Variants in ELMO1 observed in about 807,000 individuals in gnomAD.
ELMO1 encodes the protein engulfment and cell motility protein 1.
Under a neutral mutation model 98.9 loss-of-function variants are expected in ELMO1, and 26 were observed. That is an observed-to-expected ratio of 0.26 (90% CI 0.19 to 0.36). The LOEUF (loss-of-function observed/expected upper bound fraction) is 0.36, where lower values mean the gene tolerates loss of function less well. Among genes scored for constraint, ELMO1 ranks in the 10% least tolerant of loss-of-function variants. ELMO1 has a pLI of 1.00. For missense variants in ELMO1, 627 were observed against 935.2 expected (o/e 0.67, Z 4.30); for synonymous variants, 346 against 346.0 (o/e 1.00, Z 0.00).
chr7:37,276,509 G>A (rs1796843379), intron 4 of ELMO1, among the ~76,000 whole-genome samples: 2 of 152,174 alleles, frequency 1.3e-5, no homozygotes, highest in Non-Finnish European at 2.9e-5. Context: ...TACTCGGGAG[G>A]CTGAGGCAGG....
At chr7:37,320,859 C>CTGGATTAACGTG in intron 2 of ELMO1, among the ~76,000 whole-genome samples, 1 of 152,224 alleles carries the variant, frequency 6.6e-6, no homozygotes, top group South Asian at 2.1e-4. Context: ...TTAATGATAG[C>CTGGATTAACGTG]CTGGATTAAC....
At chr7:37,143,352 G>T (rs565821632) in intron 13 of ELMO1, among the ~76,000 whole-genome samples, 136 of 152,310 alleles carry the variant, frequency 8.9e-4, no homozygotes, top group African/African-American at 3.0e-3. Flanking sequence ...TTCAATGCAG[G>T]TTCTCCTCAA....
At chr7:37,086,743 CAAA>C (rs755237121) in intron 15 of ELMO1, among the ~76,000 whole-genome samples, 2,263 of 48,712 alleles carry the variant, frequency 0.046, 49 homozygotes, top group African/African-American at 0.15. Context: ...ATCCTGTCTC[CAAA>C]AAAAAAAAAA....
In ELMO1 at chr7:37,092,973, C is replaced by T. The variant is rs989367732; in HGVS notation, c.1300+3646G>A. On this transcript the variant is annotated intron_variant, in intron 15 of 21. Coordinates refer to ENST00000310758, the MANE Select transcript of ELMO1 (RefSeq NM_014800.11). ...TTTGAGCTCAGTAAACTCAGATACG[C>T]AGTAGGTGCAAGTAAGTCTTCCCTT... is the stretch of plus-strand genomic sequence containing the variant. Among the ~76,000 whole-genome samples the T allele has an allele frequency of 2.7e-5, 4 of 150,542 alleles. No homozygotes were observed. The East Asian group carries it at 7.8e-4, about 29-fold the overall frequency.
At chr7:36,941,265 A>G (rs577380826) in intron 16 of ELMO1, among the ~76,000 whole-genome samples, 99 of 152,238 alleles carry the variant, frequency 6.5e-4, no homozygotes, top group Non-Finnish European at 1.2e-3. Flanking sequence ...CTTTTTATAT[A>G]GTGTTTGGTA....
intron 14 of ELMO1, among the ~76,000 whole-genome samples, chr7:37,115,546 C>T (rs559820733): frequency 6.6e-6 from 1 of 151,556 alleles, no homozygotes; most frequent in East Asian, 1.9e-4. Flanking sequence ...AAATCTAACA[C>T]TCATTCATGA....
intron 16 of ELMO1, among the ~76,000 whole-genome samples, chr7:36,956,391 C>G (rs76962068): frequency 0.06 from 9,118 of 152,184 alleles, 383 homozygotes; most frequent in Middle Eastern, 0.18. Context: ...GCCTTCTTGT[C>G]TTTTTTGAAA....
chr7:37,019,072 T>C (rs1794123325), intron 15 of ELMO1, among the ~76,000 whole-genome samples: 2 of 152,210 alleles, frequency 1.3e-5, no homozygotes, highest in Non-Finnish European at 2.9e-5. Flanking sequence ...AGGGTAATAT[T>C]CTAAGAGCTT....
rs372748758 is a variant in ELMO1, at chr7:37,330,250, C to T, written c.78+12363G>A. 2.6e-5 allele frequency among the ~76,000 whole-genome samples: 4 copies of T among 152,292 alleles called. No individual in the cohort carries two copies. In the South Asian group the frequency reaches 8.3e-4, roughly 32 times the overall value. ...ACTGCCAATTAGACATAGATTATAG[C>T]TTCTTAATTTATCCTTTTCAACACA... On this transcript the variant is annotated intron_variant, in intron 2 of 21. Transcript: ENST00000310758.
intron 14 of ELMO1, among the ~76,000 whole-genome samples, chr7:37,104,421 G>A (rs1211881188): frequency 6.6e-6 from 1 of 152,136 alleles, no homozygotes; most frequent in African/African-American, 2.4e-5. Context: ...GAGAAGGTCT[G>A]AGGTGGAACC....
intron 1 of ELMO1, among the ~76,000 whole-genome samples, chr7:37,403,102 T>C (rs2131466110): frequency 6.6e-6 from 1 of 152,340 alleles, no homozygotes; most frequent in South Asian, 2.1e-4. Flanking sequence ...AATAGAATAT[T>C]ACTCAGCAAT....
In ELMO1 at chr7:37,224,757, A is replaced by G. The variant is rs761871301; in HGVS notation, c.701+122T>C. On this transcript the variant is annotated intron_variant, in intron 9 of 21. Coordinates refer to ENST00000310758, the MANE Select transcript of ELMO1 (RefSeq NM_014800.11). ...GTGACACGTGGTTTGGTTATATGCC[A>G]AATTGAGATTCTTTTTCTGTACATT... 104 of 1,416,238 alleles carry G rather than the reference A, an allele frequency of 7.3e-5. 1 individual carries two copies. Among genetic ancestry groups the G allele is most frequent in the Admixed American group, 1.7e-4 (8 of 48,430 alleles). The allele number at this position is 1,416,238 out of a possible 1,614,324, so 87.7% of individuals were successfully genotyped here. A position where few individuals can be genotyped will look rare whatever the true frequency, so the allele number is the denominator to read the frequency against.
chr7:36,865,166 C>T (rs1032085333), intron 20 of ELMO1, among the ~76,000 whole-genome samples: 12 of 152,262 alleles, frequency 7.9e-5, no homozygotes, highest in East Asian at 1.9e-4. Flanking sequence ...CATTGTTTGA[C>T]GGTAACTCAC....
At chr7:37,032,510 G>A (rs1202251618) in intron 15 of ELMO1, among the ~76,000 whole-genome samples, 1 of 152,194 alleles carries the variant, frequency 6.6e-6, no homozygotes, top group Non-Finnish European at 1.5e-5. Flanking sequence ...CCTCTGCAGG[G>A]CTGGCACCCA....
chr7:37,265,674 G>C (rs1477117807), intron 5 of ELMO1, among the ~76,000 whole-genome samples: 2 of 151,940 alleles, frequency 1.3e-5, no homozygotes, highest in African/African-American at 4.8e-5. Flanking sequence ...ACACACCTAA[G>C]TACTACTCCC....
intron 15 of ELMO1, among the ~76,000 whole-genome samples, chr7:37,020,564 T>C (rs184930267): frequency 5.8e-4 from 88 of 152,262 alleles, no homozygotes; most frequent in Non-Finnish European, 1.0e-3. Flanking sequence ...GACGGGAAAA[T>C]GCATACCATT....
intron 13 of ELMO1, among the ~76,000 whole-genome samples, chr7:37,164,885 G>T (rs1789533887): frequency 6.6e-6 from 1 of 151,270 alleles, no homozygotes; most frequent in South Asian, 2.1e-4. Flanking sequence ...AAAGTCATTG[G>T]TAGCTTGATG....
At chr7:37,054,081 G>C (rs1796268085) in intron 15 of ELMO1, among the ~76,000 whole-genome samples, 1 of 152,154 alleles carries the variant, frequency 6.6e-6, no homozygotes, top group African/African-American at 2.4e-5. Context: ...CCAGGGAAAT[G>C]ATTCTCAGAA....
intron 1 of ELMO1, among the ~76,000 whole-genome samples, chr7:37,404,157 C>T (rs1803652906): frequency 6.6e-6 from 1 of 152,044 alleles, no homozygotes; most frequent in Admixed American, 6.5e-5. Context: ...TCTCTCTAAT[C>T]AGTCCAGAAA....
Sources: allele counts gnomAD v4.1 joint callset (sites outside exome capture counted in the v4.1 genomes callset), GRCh38; gene constraint gnomAD v4.1.1; transcripts MANE v1.5; gene names NCBI Gene and HGNC (gene_info 2026-07-23, HGNC 2026-07-21).